The following NRXN3 variants were observed in gnomAD, a reference collection of about 807,000 sequenced individuals.
NRXN3 encodes neurexin III.
Under a neutral mutation model 137.6 loss-of-function variants are expected in NRXN3, and 32 were observed. The ratio of observed to expected loss-of-function variants is 0.23; its 90% CI spans 0.18 to 0.31. The LOEUF (loss-of-function observed/expected upper bound fraction) is 0.31. Ranked by LOEUF, NRXN3 falls within the 10% of genes least tolerant of loss-of-function variation. The pLI is 1.00. For missense variants in NRXN3, 1,574 were observed against 2,062.5 expected (o/e 0.76, Z 4.59); for synonymous variants, 798 against 784.5 (o/e 1.02, Z -0.29).
At chr14:79,179,259 C>T (rs1370498446) in intron 15 of NRXN3, among the ~76,000 whole-genome samples, 1 of 152,112 alleles carries the variant, frequency 6.6e-6, no homozygotes, top group Admixed American at 6.5e-5. Flanking sequence ...ACAAAAAATT[C>T]TCCCTGGTCT....
At chr14:78,201,288 A>G (rs1437810800) in intron 1 of NRXN3, among the ~76,000 whole-genome samples, 1 of 152,178 alleles carries the variant, frequency 6.6e-6, no homozygotes, top group African/African-American at 2.4e-5. Context: ...TGTACAGCCT[A>G]AATTCTCCAC....
chr14:79,346,518 T>C (rs746560993), intron 15 of NRXN3, among the ~76,000 whole-genome samples: 1 of 152,202 alleles, frequency 6.6e-6, no homozygotes, highest in Admixed American at 6.5e-5. Context: ...AGACCATTCA[T>C]TGATGTCCCA....
At chr14:78,673,629 C>T (rs1025395124) in intron 6 of NRXN3, among the ~76,000 whole-genome samples, 13 of 152,148 alleles carry the variant, frequency 8.5e-5, no homozygotes, top group East Asian at 1.9e-4. Flanking sequence ...GCTGGAAAGC[C>T]GAAGATCAAG....
chr14:78,297,202 G>T (rs1344141333), intron 3 of NRXN3, among the ~76,000 whole-genome samples: 1 of 152,150 alleles, frequency 6.6e-6, no homozygotes, highest in Non-Finnish European at 1.5e-5. Context: ...TTGTCCCTGG[G>T]CTAAGATGAC....
At chr14:79,266,372 C>A (rs1047491978) in intron 15 of NRXN3, among the ~76,000 whole-genome samples, 1 of 151,618 alleles carries the variant, frequency 6.6e-6, no homozygotes, top group African/African-American at 2.4e-5. Flanking sequence ...TATATATAAC[C>A]TTTAGAGCCA....
At chr14:79,798,554 T>A (rs1018198952) in intron 19 of NRXN3, among the ~76,000 whole-genome samples, 1 of 152,208 alleles carries the variant, frequency 6.6e-6, no homozygotes, top group African/African-American at 2.4e-5. Context: ...AGATCATCAT[T>A]CTTGAGTGTG....
Position 78,861,068 on chromosome 14 carries a change from A to C in NRXN3, c.2275+50724A>C, listed in dbSNP as rs1202790173. On this transcript the variant is annotated intron_variant, in intron 10 of 20. Transcript: ENST00000335750. ...ATCGTTATATATGTGTATCATGTATATTACCAGGTATAGTCCTGTAATAGT... is the reference window on the plus strand; with the variant it reads ...ATCGTTATATATGTGTATCATGTATCTTACCAGGTATAGTCCTGTAATAGT... Among the ~76,000 whole-genome samples, 3 of 146,388 alleles carry C rather than the reference A, an allele frequency of 2.0e-5. No homozygotes were observed. In the East Asian group the frequency reaches 6.1e-4, roughly 30 times the overall value.
At chr14:78,657,435 G>A (rs964940598) in intron 6 of NRXN3, among the ~76,000 whole-genome samples, 2 of 152,262 alleles carry the variant, frequency 1.3e-5, no homozygotes, top group Middle Eastern at 3.4e-3. Context: ...GTGGAGAAGC[G>A]AAAGTGCCAC....
At chr14:78,759,329 G>A (rs977738080) in intron 8 of NRXN3, among the ~76,000 whole-genome samples, 1 of 152,278 alleles carries the variant, frequency 6.6e-6, no homozygotes, top group South Asian at 2.1e-4. Context: ...CTCTAACCAG[G>A]TGCATTATAT....
intron 4 of NRXN3, among the ~76,000 whole-genome samples, chr14:78,330,343 C>T (rs1362672424): frequency 6.6e-6 from 1 of 152,056 alleles, no homozygotes; most frequent in Non-Finnish European, 1.5e-5. Flanking sequence ...CACCCCCATT[C>T]TCTTTCCTGT....
intron 15 of NRXN3, among the ~76,000 whole-genome samples, chr14:79,272,125 C>T (rs1454332970): frequency 1.3e-5 from 2 of 151,528 alleles, no homozygotes; most frequent in Non-Finnish European, 2.9e-5. Flanking sequence ...CCCCTGTGTG[C>T]TTTGTTTATA....
At position 78,900,425 on chromosome 14, in the gene NRXN3, AC is replaced by A. The variant is rs2099192041; in HGVS notation, c.2276-56815del. On this transcript the variant is annotated intron_variant, in intron 10 of 20. Transcript: ENST00000335750. ...GGTTGGTCTTGTTTTGAAGGCAGCA[AC>A]CTCCTTCATTTTTTTTCTTTTTTTT... 4.2e-5 allele frequency among the ~76,000 whole-genome samples: 6 copies of A among 144,434 alleles called. No individual in the cohort carries two copies. In the South Asian group the frequency reaches 1.1e-3, roughly 26 times the overall value. The allele number at this position is 144,434 out of a possible 152,430, so 94.8% of individuals were successfully genotyped here.
At chr14:78,544,714 A>G (rs1023342390) in intron 4 of NRXN3, among the ~76,000 whole-genome samples, 3 of 152,204 alleles carry the variant, frequency 2.0e-5, no homozygotes, top group African/African-American at 4.8e-5. Flanking sequence ...CTGGCAACAC[A>G]TTACTGGAAA....
At chr14:78,720,051 C>T (rs1422569443) in intron 8 of NRXN3, among the ~76,000 whole-genome samples, 2 of 151,928 alleles carry the variant, frequency 1.3e-5, no homozygotes, top group Non-Finnish European at 2.9e-5. Flanking sequence ...GCAGCCTTTC[C>T]TTCATATATA....
At chr14:79,343,737 A>T (rs2092727790) in intron 15 of NRXN3, among the ~76,000 whole-genome samples, 1 of 152,214 alleles carries the variant, frequency 6.6e-6, no homozygotes, top group South Asian at 2.1e-4. Flanking sequence ...AAATATTTCA[A>T]ATATTTCCTT....
chr14:79,605,965 C>A (rs975299612), intron 16 of NRXN3, among the ~76,000 whole-genome samples: 1 of 152,150 alleles, frequency 6.6e-6, no homozygotes, highest in South Asian at 2.1e-4. Context: ...TTAATCATGC[C>A]AGGCTGATGG....
Position 79,624,865 on chromosome 14 carries a change from A to G in NRXN3, c.3445-38913A>G, listed in dbSNP as rs562697977. On this transcript the variant is annotated intron_variant, in intron 16 of 20. Transcript: ENST00000335750. ...GTTGCCCAGGCTGGAGTACAGTCACATGATTCCAGCTCACTGCAGCCTCAA... is the reference window on the plus strand; with the variant it reads ...GTTGCCCAGGCTGGAGTACAGTCACGTGATTCCAGCTCACTGCAGCCTCAA... Among the ~76,000 whole-genome samples the G allele has an allele frequency of 1.1e-4, 16 of 149,012 alleles. No individual in the cohort carries two copies. In the South Asian group the frequency reaches 3.3e-3, roughly 31 times the overall value.
chr14:79,072,116 A>G (rs1297530112), intron 15 of NRXN3: 1 of 152,124 alleles, frequency 6.6e-6, no homozygotes, highest in African/African-American at 2.4e-5. Context: ...GTTGTAGGTA[A>G]GAGTCATTCT....
Position 79,852,786 on chromosome 14 carries a change from T to C in NRXN3, c.4094-8556T>C, listed in dbSNP as rs570861140. On this transcript the variant is annotated intron_variant, in intron 20 of 20. Coordinates refer to ENST00000335750, the MANE Select transcript of NRXN3 (RefSeq NM_001330195.2). ...GCGTCTGGTTGTTCATCTCTGAAAG[T>C]GTGTGAAATACTTTTTTCTTTAAAC... is the stretch of plus-strand genomic sequence containing the variant. 3.9e-5 allele frequency among the ~76,000 whole-genome samples: 6 copies of C among 152,180 alleles called. No homozygotes were observed. The South Asian group carries it at 1.2e-3, about 32-fold the overall frequency.
Sources: gnomAD v4.1 joint callset for allele counts (sites outside exome capture counted in the v4.1 genomes callset) on GRCh38, gnomAD v4.1.1 for gene constraint, MANE v1.5 for transcripts, NCBI Gene and HGNC (gene_info 2026-07-23, HGNC 2026-07-21) for gene names.